PRR16: variants seen among roughly 807,000 people sequenced by gnomAD.
The protein encoded by PRR16 is protein Largen.
PRR16 carries 6 observed loss-of-function variants against 18.2 expected under a neutral mutation model. The ratio of observed to expected loss-of-function variants is 0.33; its 90% CI spans 0.18 to 0.65. The LOEUF (loss-of-function observed/expected upper bound fraction) is 0.65, where lower values mean the gene tolerates loss of function less well. Ranked by LOEUF, PRR16 falls within the 30% of genes least tolerant of loss-of-function variation. PRR16 has a pLI of 0.74. For synonymous variants in PRR16, 151 were observed against 147.8 expected (o/e 1.02, Z -0.16); for missense variants, 412 against 376.6 (o/e 1.09, Z -0.78).
At chr5:120,658,943 C>T (rs1756079969) in intron 1 of PRR16, among the ~76,000 whole-genome samples, 1 of 151,866 alleles carries the variant, frequency 6.6e-6, no homozygotes. Context: ...TCCTTGCCAA[C>T]TTCTTATTCT....
intron 1 of PRR16, among the ~76,000 whole-genome samples, chr5:120,502,655 G>T (rs145222757): frequency 6.6e-6 from 1 of 152,048 alleles, no homozygotes; most frequent in Non-Finnish European, 1.5e-5. Context: ...TACTAACCTT[G>T]GGCAAATCTT....
intron 1 of PRR16, among the ~76,000 whole-genome samples, chr5:120,657,419 A>C (rs2150135981): frequency 6.6e-6 from 1 of 152,012 alleles, no homozygotes; most frequent in Middle Eastern, 3.4e-3. Context: ...ATGTTCAGTG[A>C]CCTCATGTTG....
chr5:120,708,340 A>C, the PRR16 span, among the ~76,000 whole-genome samples: 2 of 152,216 alleles, frequency 1.3e-5, no homozygotes, highest in Non-Finnish European at 2.9e-5. Flanking sequence ...AAGTTAAATC[A>C]AATGTTCTAG....
intron 1 of PRR16, among the ~76,000 whole-genome samples, chr5:120,522,700 G>C (rs1327593686): frequency 6.6e-6 from 1 of 152,160 alleles, no homozygotes; most frequent in East Asian, 1.9e-4. Flanking sequence ...CTGCCTCCCA[G>C]ATTCACACCA....
the PRR16 span, among the ~76,000 whole-genome samples, chr5:120,711,693 CT>C: frequency 2.6e-5 from 4 of 152,128 alleles, no homozygotes; most frequent in African/African-American, 9.7e-5. Context: ...GTACAAAGTC[CT>C]GCTTTTATTA....
At chr5:120,576,153 A>G (rs1236582011) in intron 1 of PRR16, among the ~76,000 whole-genome samples, 1 of 152,196 alleles carries the variant, frequency 6.6e-6, no homozygotes, top group African/African-American at 2.4e-5. Flanking sequence ...CACAGGCAAC[A>G]AAAGCGAAGA....
chr5:120,769,832 T>TAC, the PRR16 span, among the ~76,000 whole-genome samples: 1 of 151,954 alleles, frequency 6.6e-6, no homozygotes, highest in South Asian at 2.1e-4. Context: ...GCCAACAGTG[T>TAC]ACAAAGGTTC....
intron 1 of PRR16, among the ~76,000 whole-genome samples, chr5:120,633,368 C>T (rs2897288): frequency 0.99 from 150,582 of 152,268 alleles, 74,474 homozygotes; most frequent in East Asian, 1. Flanking sequence ...GTACCTCACA[C>T]CTCAATACTA....
In PRR16 at chr5:120,501,979, A is replaced by G. The variant is rs868024788; in HGVS notation, c.159+37334A>G. 3.4e-3 allele frequency among the ~76,000 whole-genome samples: 507 copies of G among 150,038 alleles called. 3 individuals carry two copies. The highest frequency in any genetic ancestry group is 9.4e-3 in the African/African-American group (388 of 41,118). On this transcript the variant is annotated intron_variant, in intron 1 of 1. Transcript: ENST00000407149. ...TCAAAAAAAAAAAAAAAAAAAAAAA[A>G]AAAGAAAGAAATAGCTAGTATAAAA...
intron 1 of PRR16, among the ~76,000 whole-genome samples, chr5:120,494,851 C>G (rs1335450375): frequency 6.6e-6 from 1 of 152,006 alleles, no homozygotes; most frequent in Non-Finnish European, 1.5e-5. Flanking sequence ...AACTAGCTTT[C>G]TTCCATTGAG....
chr5:120,737,739 TTTG>T, the PRR16 span, among the ~76,000 whole-genome samples: 1 of 151,948 alleles, frequency 6.6e-6, no homozygotes, highest in Non-Finnish European at 1.5e-5. Context: ...ACGGGATTAT[TTTG>T]TTTGTTTTGT....
At chr5:120,601,743 T>C (rs1232838284) in intron 1 of PRR16, among the ~76,000 whole-genome samples, 2 of 151,932 alleles carry the variant, frequency 1.3e-5, no homozygotes, top group Non-Finnish European at 2.9e-5. Flanking sequence ...ATTTTTTTAA[T>C]GGTGTAAGGA....
At chr5:120,540,582 T>G (rs2112681915) in intron 1 of PRR16, among the ~76,000 whole-genome samples, 1 of 152,270 alleles carries the variant, frequency 6.6e-6, no homozygotes, top group Middle Eastern at 3.4e-3. Flanking sequence ...ATATGTGGTA[T>G]TGCCCTCCAC....
intron 1 of PRR16, among the ~76,000 whole-genome samples, chr5:120,538,266 A>G (rs903375650): frequency 6.6e-6 from 1 of 152,188 alleles, no homozygotes; most frequent in African/African-American, 2.4e-5. Context: ...TCCTCTTTCA[A>G]GCTACTGGTT....
At chr5:120,493,047 G>T (rs903780419) in intron 1 of PRR16, among the ~76,000 whole-genome samples, 2 of 152,256 alleles carry the variant, frequency 1.3e-5, no homozygotes, top group East Asian at 3.9e-4. Context: ...TTCATATAAT[G>T]ACTTCTTTTC....
At chr5:120,612,805 T>C (rs1221830908) in intron 1 of PRR16, among the ~76,000 whole-genome samples, 1 of 152,246 alleles carries the variant, frequency 6.6e-6, no homozygotes. Context: ...TGTAATTCTT[T>C]TTATTGCATT....
chr5:120,570,844 AAT>A (rs989419804), intron 1 of PRR16, among the ~76,000 whole-genome samples: 1 of 152,160 alleles, frequency 6.6e-6, no homozygotes, highest in African/African-American at 2.4e-5. Context: ...CTAAGGTTTA[AAT>A]ATATATAGTT....
intron 1 of PRR16, among the ~76,000 whole-genome samples, chr5:120,591,023 T>C (rs1412217774): frequency 1.3e-5 from 2 of 152,082 alleles, no homozygotes; most frequent in African/African-American, 2.4e-5. Flanking sequence ...CTCACGCCTG[T>C]AATCCCAGCA....
At chr5:120,714,963 G>A in the PRR16 span, among the ~76,000 whole-genome samples, 1 of 152,076 alleles carries the variant, frequency 6.6e-6, no homozygotes, top group Non-Finnish European at 1.5e-5. Context: ...ACAGGGAGGA[G>A]AACAACACAC....
Sources: gnomAD v4.1 joint callset for allele counts (sites outside exome capture counted in the v4.1 genomes callset) on GRCh38, gnomAD v4.1.1 for gene constraint, MANE v1.5 for transcripts, NCBI Gene and HGNC (gene_info 2026-07-23, HGNC 2026-07-21) for gene names.